Variants in ARHGAP32 observed in about 807,000 individuals in gnomAD.
ARHGAP32 encodes the protein rho GTPase-activating protein 32.
ARHGAP32 carries 51 observed loss-of-function variants against 186.5 expected under a neutral mutation model. The observed-to-expected ratio is 0.27, with a 90% CI of 0.22 to 0.35. ARHGAP32 has a LOEUF of 0.35. Ranked by LOEUF, ARHGAP32 falls within the 10% of genes least tolerant of loss-of-function variation. The pLI is 1.00. For synonymous variants in ARHGAP32, 950 were observed against 964.3 expected (o/e 0.99, Z 0.27); for missense variants, 2,186 against 2,623.5 (o/e 0.83, Z 3.64).
At position 129,123,109 on chromosome 11, in the gene ARHGAP32, C is replaced by T. The variant is rs923626411; in HGVS notation, c.444+337G>A. On this transcript the variant is annotated intron_variant, in intron 5 of 22. Coordinates refer to ENST00000682385, the MANE Select transcript of ARHGAP32 (RefSeq NM_001378024.1). The surrounding 1 kb of genome is among the most constrained non-coding windows in gnomAD (Gnocchi z 4.6). ...TTAATCTACCAAGTATCAAAGCTCACAACAATTAATTAAGACAAGTTTACA... is the reference window on the plus strand; with the variant it reads ...TTAATCTACCAAGTATCAAAGCTCATAACAATTAATTAAGACAAGTTTACA... Among the ~76,000 whole-genome samples, 6 of 151,890 alleles carry T rather than the reference C, an allele frequency of 4.0e-5. No homozygotes were observed. Among genetic ancestry groups the T allele is most frequent in the South Asian group, 2.1e-4 (1 of 4,818 alleles).
chr11:129,197,014 G>C (rs535013879), upstream of ARHGAP32, among the ~76,000 whole-genome samples: 3 of 151,924 alleles, frequency 2.0e-5, no homozygotes, highest in African/African-American at 7.3e-5. Context: ...CCAAGAGCGC[G>C]CCACTGCACT....
At chr11:129,194,139 C>T (rs760870779), upstream of ARHGAP32, among the ~76,000 whole-genome samples, 1 of 152,036 alleles carries the variant, frequency 6.6e-6, no homozygotes, top group African/African-American at 2.4e-5. Context: ...AGAAACATGC[C>T]TGTCAGTGGG....
intron 1 of ARHGAP32, among the ~76,000 whole-genome samples, chr11:129,270,330 G>C (rs541533634): frequency 5.3e-5 from 8 of 152,132 alleles, no homozygotes; most frequent in African/African-American, 1.9e-4. Flanking sequence ...TATGGAAACA[G>C]TAAAAAGGCT....
chr11:129,155,541 A>C (rs920701871), intron 2 of ARHGAP32, among the ~76,000 whole-genome samples: 4 of 152,214 alleles, frequency 2.6e-5, no homozygotes, highest in African/African-American at 9.6e-5. Flanking sequence ...AAAATTCTAA[A>C]ACTGAGTACA....
intron 15 of ARHGAP32, among the ~76,000 whole-genome samples, chr11:128,983,504 G>A (rs1434382115): frequency 1.3e-5 from 2 of 151,664 alleles, no homozygotes; most frequent in African/African-American, 2.4e-5. Context: ...TGGGGTGGGG[G>A]GAAGGGGGAG....
intron 5 of ARHGAP32, among the ~76,000 whole-genome samples, chr11:129,111,068 T>C (rs1942199213): frequency 6.6e-6 from 1 of 152,232 alleles, no homozygotes; most frequent in Admixed American, 6.5e-5. Flanking sequence ...TGGTCTGTCA[T>C]ATATGACCTT....
At chr11:129,222,705 C>T (rs1421019908) in intron 1 of ARHGAP32, among the ~76,000 whole-genome samples, 1 of 152,174 alleles carries the variant, frequency 6.6e-6, no homozygotes. Flanking sequence ...TGCAACCTCT[C>T]TGGTAACTGA....
At chr11:129,067,595 TAC>T (rs1260577330) in intron 6 of ARHGAP32, among the ~76,000 whole-genome samples, 2 of 151,946 alleles carry the variant, frequency 1.3e-5, no homozygotes, top group Admixed American at 1.3e-4. Context: ...AACTACAAAA[TAC>T]AGAGTTTATC....
intron 1 of ARHGAP32, among the ~76,000 whole-genome samples, chr11:129,254,324 A>G (rs10894011): frequency 0.2 from 30,864 of 151,910 alleles, 3,287 homozygotes; most frequent in East Asian, 0.25. Context: ...ATCATATTTG[A>G]TGACATGTCA....
Position 129,028,971 on chromosome 11 carries a change from A to T in ARHGAP32, c.1045+11957T>A, listed in dbSNP as rs2134949542. 1.3e-5 allele frequency among the ~76,000 whole-genome samples: 2 copies of T among 152,340 alleles called. 1 individual carries two copies. Among genetic ancestry groups the T allele is most frequent in the East Asian group, 3.9e-4 (2 of 5,190 alleles). On this transcript the variant is annotated intron_variant, in intron 11 of 22. Transcript: ENST00000682385. ...CACAGGGAGAAATACTATACTAAGA[A>T]AATGGAAAAGAATGACTGGAAATGC... is the stretch of plus-strand genomic sequence containing the variant.
intron 2 of ARHGAP32, among the ~76,000 whole-genome samples, chr11:129,158,672 G>C (rs532851336): frequency 6.6e-6 from 1 of 152,178 alleles, no homozygotes; most frequent in South Asian, 2.1e-4. Flanking sequence ...AATTAACAAG[G>C]ATATTCAGGA....
rs184444761 is a variant in ARHGAP32, at chr11:129,255,495, G to A, written c.-5+23651C>T. 2.6e-5 allele frequency among the ~76,000 whole-genome samples: 4 copies of A among 152,056 alleles called. No individual in the cohort carries two copies. In the East Asian group the frequency reaches 5.8e-4, roughly 22 times the overall value. ...GAGTAGGCAAAAATCTTTTTTAACT[G>A]TATCCAAAAAGCACTAACCATAAAG... is the stretch of plus-strand genomic sequence containing the variant. On this transcript the variant is annotated intron_variant, in intron 1 of 6. Coordinates refer to the ARHGAP32 transcript ENST00000525234.
intron 11 of ARHGAP32, among the ~76,000 whole-genome samples, chr11:129,023,637 T>C (rs918560339): frequency 1.3e-5 from 2 of 152,218 alleles, no homozygotes; most frequent in Non-Finnish European, 1.5e-5. Flanking sequence ...ATCTGTGTTG[T>C]ACAATCAGCA....
At chr11:128,995,218 T>A (rs1946165303) in intron 12 of ARHGAP32, among the ~76,000 whole-genome samples, 1 of 152,144 alleles carries the variant, frequency 6.6e-6, no homozygotes, top group Admixed American at 6.5e-5. Context: ...TTTTATTTAT[T>A]TATTTAGAGA....
intron 2 of ARHGAP32, among the ~76,000 whole-genome samples, chr11:129,161,942 T>A (rs530762946): frequency 6.6e-6 from 1 of 152,160 alleles, no homozygotes; most frequent in African/African-American, 2.4e-5. Flanking sequence ...GTGGCACATA[T>A]ACACCATGGA....
intron 10 of ARHGAP32, among the ~76,000 whole-genome samples, chr11:129,058,711 T>C (rs1940367225): frequency 6.6e-6 from 1 of 152,202 alleles, no homozygotes; most frequent in African/African-American, 2.4e-5. Flanking sequence ...GTTCTGCGCA[T>C]GATTCTGTTT....
chr11:129,159,337 T>G (rs1943480568), intron 2 of ARHGAP32, among the ~76,000 whole-genome samples: 1 of 151,446 alleles, frequency 6.6e-6, no homozygotes, highest in Non-Finnish European at 1.5e-5. Context: ...GAGAGAAGAA[T>G]AAAATAGACA....
At position 129,274,905 on chromosome 11, in the gene ARHGAP32, C is replaced by CT. The variant is rs200542152; in HGVS notation, c.-5+4240dup. 1.3e-3 allele frequency among the ~76,000 whole-genome samples: 192 copies of CT among 145,374 alleles called. 1 individual carries two copies. Among genetic ancestry groups the CT allele is most frequent in the Middle Eastern group, 3.5e-3 (1 of 288 alleles). ...AAACCGACTTTTCTCATTCATCTTT[C>CT]TAAAAAAAAAAAAAAGCCAGTACCA... On this transcript the variant is annotated intron_variant, in intron 1 of 6. Transcript: ENST00000525234.
intron 1 of ARHGAP32, among the ~76,000 whole-genome samples, chr11:129,226,360 A>G (rs1474537947): frequency 1.3e-5 from 2 of 152,206 alleles, no homozygotes; most frequent in Non-Finnish European, 2.9e-5. Context: ...AAGACAAAGC[A>G]GCAAGAAAAA....
Sources: allele counts gnomAD v4.1 joint callset (sites outside exome capture counted in the v4.1 genomes callset), GRCh38; gene constraint gnomAD v4.1.1; non-coding constraint Gnocchi (gnomAD v3.1); transcripts MANE v1.5; gene names NCBI Gene and HGNC (gene_info 2026-07-23, HGNC 2026-07-21).